Variants in SCART1 observed in about 807,000 individuals in gnomAD.
SCART1 encodes scavenger receptor family member expressed on T cells 1.
SCART1 carries 62 observed loss-of-function variants against 36.2 expected under a neutral mutation model. The ratio of observed to expected loss-of-function variants is 1.71; its 90% CI spans 1.40 to 2.12. The LOEUF (loss-of-function observed/expected upper bound fraction) is 2.12. SCART1 is among the 30% of genes most tolerant of loss of function. The probability of loss-of-function intolerance (pLI) is 0.00; values close to 1 mark genes in which losing one functional copy is unlikely to be tolerated. For missense variants in SCART1, 1,041 were observed against 540.5 expected, an observed-to-expected ratio of 1.93 and a Z score of -9.18; for synonymous variants, 487 against 238.7, an observed-to-expected ratio of 2.04 and a Z score of -9.59.
At chr10:133,463,431 CT>C (rs1850726505) in intron 6 of SCART1, among the ~76,000 whole-genome samples, 5 of 151,236 alleles carry the variant, frequency 3.3e-5, no homozygotes, top group Admixed American at 3.3e-4. Flanking sequence ...GTTGTGTACC[CT>C]TTGACCTACA....
At chr10:133,465,746 T>G (rs1277180121) in intron 9 of SCART1, 181 bp downstream of exon 9, 2 of 654,968 alleles carry the variant, frequency 3.1e-6, no homozygotes, top group African/African-American at 3.6e-5. Context: ...GGACATGCAC[T>G]CCCTGGGGTT....
At chr10:133,457,998 T>G in intron 3 of SCART1, 1 of 533,864 alleles carries the variant, frequency 1.9e-6, no homozygotes, top group Non-Finnish European at 3.4e-6. Context: ...GTGGATAGTC[T>G]GCCTGCTGCG....
chr10:133,457,573 C>G lies in SCART1; in HGVS notation c.680C>G (p.Ser227Ter). The G allele has an allele frequency of 2.9e-6, 2 of 689,494 alleles. No homozygotes were observed. The highest frequency in any genetic ancestry group is 5.3e-6 in the Non-Finnish European group (2 of 378,454). The allele number at this position is 689,494 out of a possible 1,614,324, so 42.7% of individuals were successfully genotyped here. Reference sequence around the variant, plus strand: ...CGGCTGGACGCAGAGGTGGTCTGCTCAGGTGAGGCTGCCACCTGATGTTCC... The same window carrying G: ...CGGCTGGACGCAGAGGTGGTCTGCTGAGGTGAGGCTGCCACCTGATGTTCC... The change falls in exon 3 of 12, where the codon TCA becomes TGA. Residue 227 changes from serine to a stop codon, truncating the protein, a stop_gained and splice_region_variant. Coordinates refer to ENST00000640237, the Ensembl canonical transcript of SCART1. LOFTEE classifies it high-confidence loss of function.
At chr10:133,466,292 G>C (rs1478411990) in exon 10 of SCART1, 4 of 702,976 alleles carry the variant, frequency 5.7e-6, no homozygotes, top group Non-Finnish European at 1.0e-5. Context: ...TGGGTGGTCA[G>C]TGTCGTCCTG....
intron 1 of SCART1, among the ~76,000 whole-genome samples, chr10:133,455,646 T>C (rs1022260788): frequency 1.3e-5 from 2 of 150,040 alleles, no homozygotes; most frequent in African/African-American, 4.9e-5. Flanking sequence ...CCGTGGCGGG[T>C]GGGAGAGAAG....
At chr10:133,465,661 G>C in intron 9 of SCART1, 96 bp downstream of exon 9, 2 of 599,448 alleles carry the variant, frequency 3.3e-6, no homozygotes, top group Non-Finnish European at 5.9e-6. Context: ...AGGAGAGCTC[G>C]CCCAGGTGTT....
chr10:133,459,147 T>A, exon 5 of SCART1: 1 of 702,882 alleles, frequency 1.4e-6, no homozygotes, highest in African/African-American at 1.7e-5. Flanking sequence ...TGCCACCAGC[T>A]CAACTGTGGC....
chr10:133,458,459 C>T (rs762445225), exon 4 of SCART1: 39 of 696,432 alleles, frequency 5.6e-5, no homozygotes, highest in African/African-American at 5.3e-4. Flanking sequence ...GACCTGGCCA[C>T]GGCCCACGTG....
intron 11 of SCART1, among the ~76,000 whole-genome samples, 185 bp from the exon 12 acceptor site, chr10:133,467,662 A>C (rs549081119): frequency 1.3e-5 from 2 of 152,168 alleles, no homozygotes; most frequent in East Asian, 3.9e-4. Flanking sequence ...CAGTTTCATC[A>C]CCTGTGGGAG....
chr10:133,468,102 T>C (rs532352413), exon 12 of SCART1: 2 of 560,206 alleles, frequency 3.6e-6, no homozygotes, highest in South Asian at 4.7e-5. Context: ...CCATGTAAAA[T>C]CCAGTCCTTC....
chr10:133,459,275 C>G (rs1850663469), exon 5 of SCART1: 1 of 662,130 alleles, frequency 1.5e-6, no homozygotes, highest in South Asian at 1.7e-5. Flanking sequence ...AGTAAGCACC[C>G]TGGGGGCCCC....
At chr10:133,468,795 T>C (rs1850789492) in exon 12 of SCART1, 1 of 152,212 alleles carries the variant, frequency 6.6e-6, no homozygotes, top group Non-Finnish European at 1.5e-5. Flanking sequence ...ACCTTTATCA[T>C]GATATATTAT....
At chr10:133,460,525 A>ATATTTATTTATTTATT (rs67784742) in intron 6 of SCART1, among the ~76,000 whole-genome samples, 3,255 of 133,100 alleles carry the variant, frequency 0.024, 71 homozygotes, top group South Asian at 0.075. Context: ...ATTTATTTAA[A>ATATTTATTTATTTATT]TATTTATTTA....
At chr10:133,465,690 C>A in intron 9 of SCART1, 125 bp downstream of exon 9, 2 of 606,862 alleles carry the variant, frequency 3.3e-6, no homozygotes, top group Non-Finnish European at 5.9e-6. Context: ...GGTTTCCACC[C>A]TGGGATTTTT....
chr10:133,459,605 G>C (rs940137973), exon 6 of SCART1: 7 of 673,148 alleles, frequency 1.0e-5, no homozygotes, highest in East Asian at 2.7e-5. Flanking sequence ...TGCGCGGCGC[G>C]GGCGTGGTGT....
exon 6 of SCART1, chr10:133,459,970 C>T (rs760888313): frequency 5.5e-6 from 3 of 543,904 alleles, no homozygotes; most frequent in African/African-American, 4.0e-5. Flanking sequence ...CTGCGGGACG[C>T]GCACGTGGTC....
At chr10:133,459,526 G>A (rs779186455) in exon 6 of SCART1, 5 of 678,366 alleles carry the variant, frequency 7.4e-6, no homozygotes, top group African/African-American at 1.8e-5. Flanking sequence ...GGACAGAGCC[G>A]CTGTGACGGC....
chr10:133,455,475 C>T (rs1459391971), intron 1 of SCART1, among the ~76,000 whole-genome samples: 1 of 151,902 alleles, frequency 6.6e-6, no homozygotes, highest in Non-Finnish European at 1.5e-5. Flanking sequence ...CGGGGAGGCT[C>T]TTTTCTGGGT....
Position 133,465,306 on chromosome 10 carries a change from G to GCT in SCART1, c.2403_2404dup (p.Trp802SerfsTer124), listed in dbSNP as rs754644640. 727 of 683,592 alleles carry GCT rather than the reference G, an allele frequency of 1.1e-3. 1 individual carries two copies. The highest frequency in any genetic ancestry group is 1.8e-3 in the Non-Finnish European group (675 of 375,418). The allele number at this position is 683,592 out of a possible 1,614,324, so 42.3% of individuals were successfully genotyped here. A position where few individuals can be genotyped will look rare whatever the true frequency, so the allele number is the denominator to read the frequency against. The stretch of plus-strand genomic sequence containing the variant: ...AGGACCGCTGCTCCGGGCGCGTGGA[G>GCT]CTCTGGCACGCGGGCTCCTGGGGCA... On this transcript the variant is annotated frameshift_variant, in exon 9 of 12. Transcript: ENST00000640237. LOFTEE classifies it high-confidence loss of function.
Sources: allele counts gnomAD v4.1 joint callset (sites outside exome capture counted in the v4.1 genomes callset), GRCh38; gene constraint gnomAD v4.1.1; transcripts MANE v1.5; gene names NCBI Gene and HGNC (gene_info 2026-07-23, HGNC 2026-07-21).